NEK10: variants seen among roughly 807,000 people sequenced by gnomAD.
The protein encoded by NEK10 is serine/threonine-protein kinase Nek10.
A neutral mutation model predicts 159.8 loss-of-function variants in NEK10; 122 were observed. The observed-to-expected ratio is 0.76, with a 90% CI of 0.66 to 0.89. The LOEUF is 0.89. Ranked by LOEUF, NEK10 falls within the 40% of genes least tolerant of loss-of-function variation. The pLI is 0.00. For missense variants in NEK10, 1,342 were observed against 1,323.1 expected, an observed-to-expected ratio of 1.01 and a Z score of -0.22; for synonymous variants, 466 against 457.1, an observed-to-expected ratio of 1.02 and a Z score of -0.25.
chr3:27,355,101 A>C (rs1253642476), intron 1 of NEK10, among the ~76,000 whole-genome samples: 11 of 152,170 alleles, frequency 7.2e-5, no homozygotes, highest in Non-Finnish European at 1.0e-4. Flanking sequence ...AATGAAGGTA[A>C]AGGATCTTTG....
chr3:27,289,231 T>A (rs1004692192), intron 19 of NEK10, among the ~76,000 whole-genome samples: 1 of 152,216 alleles, frequency 6.6e-6, no homozygotes, highest in Non-Finnish European at 1.5e-5. Flanking sequence ...TTGGGATTGT[T>A]CCGTGAAAGA....
intron 5 of NEK10, among the ~76,000 whole-genome samples, chr3:27,336,071 G>A (rs1290493247): frequency 6.6e-6 from 1 of 152,020 alleles, no homozygotes; most frequent in Non-Finnish European, 1.5e-5. Context: ...AAAACAAAAA[G>A]TTGGTTCTTC....
intron 30 of NEK10, among the ~76,000 whole-genome samples, chr3:27,154,434 C>T (rs1292709551): frequency 1.3e-5 from 2 of 152,158 alleles, no homozygotes; most frequent in Admixed American, 1.3e-4. Context: ...GGAACCCTCC[C>T]TAATTCATTC....
At chr3:27,297,071 C>A in intron 14 of NEK10, 108 bp downstream of exon 14, 5 of 618,728 alleles carry the variant, frequency 8.1e-6, no homozygotes, top group South Asian at 4.7e-5. Context: ...GTTTTAAAAT[C>A]ACATGATGGG....
chr3:27,283,840 T>C (rs1024349860), intron 22 of NEK10, among the ~76,000 whole-genome samples: 1 of 152,210 alleles, frequency 6.6e-6, no homozygotes, highest in Non-Finnish European at 1.5e-5. Context: ...TTGTCACTCA[T>C]AAGGCACAGA....
chr3:27,150,827 C>T (rs1318620573), intron 30 of NEK10, among the ~76,000 whole-genome samples: 1 of 152,140 alleles, frequency 6.6e-6, no homozygotes, highest in African/African-American at 2.4e-5. Context: ...CTATTGAAAA[C>T]CTCCCAGAAA....
At chr3:27,350,709 G>A (rs1293537320) in intron 3 of NEK10, among the ~76,000 whole-genome samples, 2 of 151,876 alleles carry the variant, frequency 1.3e-5, no homozygotes, top group African/African-American at 4.8e-5. Context: ...GGTTAAAGGG[G>A]GAAAAAAATC....
At chr3:27,170,010 T>C (rs973603139) in intron 29 of NEK10, among the ~76,000 whole-genome samples, 2 of 152,198 alleles carry the variant, frequency 1.3e-5, no homozygotes, top group African/African-American at 4.8e-5. Flanking sequence ...GTCTCCTTTA[T>C]AGACTTCAGG....
Position 27,174,451 on chromosome 3 carries a change from C to A in NEK10, c.2764G>T (p.Glu922Ter). ...ACAGAAAGCTTACTGAATGTAGATTCTTTCAGAGGGCTTGAACTGGAGCTG... is the reference window on the plus strand; with the variant it reads ...ACAGAAAGCTTACTGAATGTAGATTATTTCAGAGGGCTTGAACTGGAGCTG... ...SSSSSSSPLKESTFNILKRSF... is the reference protein window; with the variant it reads ...SSSSSSSPLK Residue 922 changes from glutamate to a stop codon, truncating the protein, a stop_gained, in exon 28 of 36, where the codon GAA becomes TAA. Transcript: ENST00000691995. LOFTEE classifies it high-confidence loss of function. 6.2e-7 allele frequency: 1 copy of A among 1,611,212 alleles called. No homozygotes were observed. The highest frequency in any genetic ancestry group is 8.5e-7 in the Non-Finnish European group (1 of 1,179,614).
At chr3:27,119,657 C>A in intron 33 of NEK10, 103 bp downstream of exon 33, 3 of 842,332 alleles carry the variant, frequency 3.6e-6, no homozygotes, top group South Asian at 1.7e-5. Flanking sequence ...TCAAAACAAG[C>A]TCTATTTAAA....
At position 27,106,914 on chromosome 3, in the gene NEK10, G is replaced by A. The variant is rs140470201; in HGVS notation, c.*4358C>T. Among the ~76,000 whole-genome samples the A allele has an allele frequency of 3.4e-4, 52 of 152,234 alleles. No homozygotes were observed. The highest frequency in any genetic ancestry group is 1.2e-3 in the African/African-American group (50 of 41,562). ...CAAATGACAGCATTTAAACAGTCAC[G>A]TACTTCTGTTATCGCTAAATACAGT... is the stretch of plus-strand genomic sequence containing the variant. On this transcript the variant is annotated 3_prime_UTR_variant, in exon 36 of 36. Transcript: ENST00000691995.
intron 23 of NEK10, among the ~76,000 whole-genome samples, chr3:27,225,973 T>A (rs1952596740): frequency 6.6e-6 from 1 of 152,198 alleles, no homozygotes; most frequent in South Asian, 2.1e-4. Flanking sequence ...CCAGAAAATA[T>A]GACAAATGTA....
intron 22 of NEK10, among the ~76,000 whole-genome samples, chr3:27,261,352 T>G (rs1483427458): frequency 2.6e-5 from 4 of 152,138 alleles, no homozygotes; most frequent in East Asian, 1.9e-4. Flanking sequence ...TTTCTCTTGT[T>G]GGCATTTAGT....
intron 23 of NEK10, among the ~76,000 whole-genome samples, chr3:27,244,510 T>C (rs1333911708): frequency 6.6e-6 from 1 of 152,206 alleles, no homozygotes; most frequent in Non-Finnish European, 1.5e-5. Context: ...ATACATGGAT[T>C]GGAGGGACAC....
chr3:27,184,829 T>A (rs1391680782), intron 26 of NEK10, among the ~76,000 whole-genome samples: 1 of 152,202 alleles, frequency 6.6e-6, no homozygotes, highest in Non-Finnish European at 1.5e-5. Context: ...ATTTTCTACA[T>A]GGCTTAATTT....
At chr3:27,281,097 T>C (rs1434930288) in intron 22 of NEK10, among the ~76,000 whole-genome samples, 3 of 151,770 alleles carry the variant, frequency 2.0e-5, no homozygotes, top group South Asian at 2.1e-4. Context: ...TAAAATATGA[T>C]AATATAAATT....
chr3:27,199,921 A>G (rs1242351810), intron 25 of NEK10, among the ~76,000 whole-genome samples: 1 of 152,116 alleles, frequency 6.6e-6, no homozygotes, highest in Non-Finnish European at 1.5e-5. Flanking sequence ...GAACACCTGG[A>G]TCCATAAAGG....
chr3:27,115,877 T>C (rs895271784), intron 35 of NEK10, 63 bp downstream of exon 35: 1 of 1,162,888 alleles, frequency 8.6e-7, no homozygotes, highest in African/African-American at 1.6e-5. Context: ...ATAAAGAAAT[T>C]AGATCTAACA....
chr3:27,168,630 G>A (rs1946686152), intron 29 of NEK10, among the ~76,000 whole-genome samples: 1 of 152,072 alleles, frequency 6.6e-6, no homozygotes, highest in Admixed American at 6.6e-5. Flanking sequence ...TCTGAAGTCG[G>A]CCCTTGTCTT....
Sources: allele counts gnomAD v4.1 joint callset (sites outside exome capture counted in the v4.1 genomes callset), GRCh38; gene constraint gnomAD v4.1.1; transcripts MANE v1.5; gene names NCBI Gene and HGNC (gene_info 2026-07-23, HGNC 2026-07-21).